Variants in DYNC2H1 observed in about 807,000 individuals in gnomAD.
DYNC2H1 encodes the protein cytoplasmic dynein 2 heavy chain 1.
DYNC2H1 carries 410 observed loss-of-function variants against 570.0 expected under a neutral mutation model. The observed-to-expected ratio is 0.72, with a 90% confidence interval of 0.66 to 0.78. The LOEUF (loss-of-function observed/expected upper bound fraction) is 0.78, where lower values mean the gene tolerates loss of function less well. DYNC2H1 is among the 30% of genes least tolerant of loss of function. The probability of loss-of-function intolerance (pLI) is 0.00; values close to 1 mark genes in which losing one functional copy is unlikely to be tolerated. For missense variants in DYNC2H1, 4,865 were observed against 5,046.4 expected, an observed-to-expected ratio of 0.96 and a Z score of 1.09; for synonymous variants, 1,688 against 1,677.6, an observed-to-expected ratio of 1.01 and a Z score of -0.15.
chr11:103,148,571 G>C lies in DYNC2H1; in HGVS notation c.2900G>C (p.Gly967Ala). ...ATGCCCCAGTCTGTGGAAGAAATTG[G>C]TGATGCAAATCTACAATATAGTAAG... ...TIMPQSVEEIGDANLQYSKLQ... is the reference protein window; with the variant it reads ...TIMPQSVEEIADANLQYSKLQ... Residue 967 changes from glycine to alanine, a missense_variant, in exon 20 of 89, where the codon GGT becomes GCT. Transcript: ENST00000375735. 7 of 1,570,314 alleles carry C rather than the reference G, an allele frequency of 4.5e-6. No homozygotes were observed. The highest frequency in any genetic ancestry group is 6.1e-6 in the Non-Finnish European group (7 of 1,156,196).
chr11:103,122,188 A>G (rs1316346735), intron 10 of DYNC2H1, among the ~76,000 whole-genome samples: 1 of 152,220 alleles, frequency 6.6e-6, no homozygotes, highest in Non-Finnish European at 1.5e-5. Flanking sequence ...GTCTTGCATT[A>G]GACTTGTACA....
intron 87 of DYNC2H1, among the ~76,000 whole-genome samples, chr11:103,459,997 G>T (rs1944956976): frequency 1.4e-5 from 2 of 146,726 alleles, no homozygotes; most frequent in South Asian, 2.2e-4. Context: ...GAAGGACTTA[G>T]AAAAGTTTTC....
In DYNC2H1 at chr11:103,110,841, G is replaced by A. The variant is rs540007386; in HGVS notation, c.195+1072G>A. Among the ~76,000 whole-genome samples, 4 of 145,996 alleles carry A rather than the reference G, an allele frequency of 2.7e-5. No homozygotes were observed. In the South Asian group the frequency reaches 6.4e-4, roughly 23 times the overall value. ...AGTGCCTTTTTTTTTTTTTTTAGAC[G>A]CAGTTCGCAGTTTCGCTCGTATTAC... On this transcript the variant is annotated intron_variant, in intron 1 of 88. Transcript: ENST00000375735.
intron 82 of DYNC2H1, among the ~76,000 whole-genome samples, chr11:103,335,377 CAGA>C (rs1939062656): frequency 6.6e-6 from 1 of 152,002 alleles, no homozygotes; most frequent in Admixed American, 6.5e-5. Context: ...ATGTTTCAAT[CAGA>C]AGCTTCTACT....
In DYNC2H1 at chr11:103,431,423, G is replaced by T. The variant is rs1222353446; in HGVS notation, c.12367-4520G>T. ...GACTCTAGAGCCAAGTTACCTGGGG[G>T]TTTACATCCTGGATCTGCCATTTGC... On this transcript the variant is annotated intron_variant, in intron 84 of 88. Transcript: ENST00000375735. Among the ~76,000 whole-genome samples, 3 of 152,094 alleles carry T rather than the reference G, an allele frequency of 2.0e-5. No individual in the cohort carries two copies. The South Asian group carries it at 6.2e-4, about 32-fold the overall frequency.
chr11:103,136,147 T>G (rs1435212825), intron 17 of DYNC2H1, among the ~76,000 whole-genome samples, 199 bp downstream of exon 17: 1 of 151,844 alleles, frequency 6.6e-6, no homozygotes, highest in East Asian at 1.9e-4. Flanking sequence ...AAAGATTTTT[T>G]TTTTGTCTTT....
At chr11:103,347,685 G>A (rs10895406) in intron 82 of DYNC2H1, among the ~76,000 whole-genome samples, 44,510 of 151,962 alleles carry the variant, frequency 0.29, 6,574 homozygotes, top group South Asian at 0.37. Context: ...TTAAAATGTC[G>A]TGGATATTTA....
At chr11:103,371,936 T>TTTTG (rs1018181371) in intron 83 of DYNC2H1, among the ~76,000 whole-genome samples, 1 of 144,962 alleles carries the variant, frequency 6.9e-6, no homozygotes, top group African/African-American at 2.5e-5. Flanking sequence ...GGTTTTTTTT[T>TTTTG]TTTTTTTTTT....
Position 103,109,439 on chromosome 11 carries a change from CT to C in DYNC2H1, c.-135del, listed in dbSNP as rs1858001077. On this transcript the variant is annotated 5_prime_UTR_variant, in exon 1 of 89. Transcript: ENST00000375735. ...TGCTCCGTCGCCATAGCGACTACCC[CT>C]GGCAACCGCGAAGCTCTGCGGTCCC... is the stretch of plus-strand genomic sequence containing the variant. The C allele has an allele frequency of 5.8e-6, 5 of 860,236 alleles. No individual in the cohort carries two copies. The highest frequency in any genetic ancestry group is 5.5e-5 in the East Asian group (2 of 36,448). The allele number at this position is 860,236 out of a possible 1,614,324, so 53.3% of individuals were successfully genotyped here.
At chr11:103,288,537 G>T (rs569856147) in intron 75 of DYNC2H1, among the ~76,000 whole-genome samples, 60 of 151,358 alleles carry the variant, frequency 4.0e-4, no homozygotes, top group African/African-American at 1.4e-3. Flanking sequence ...TAGTAGGTTC[G>T]CTATGAGATT....
chr11:103,130,480 CT>C (rs1389678155), intron 13 of DYNC2H1, among the ~76,000 whole-genome samples: 2 of 151,986 alleles, frequency 1.3e-5, no homozygotes, highest in African/African-American at 4.8e-5. Flanking sequence ...CACTTTTTTT[CT>C]TGTTGGCAGA....
At chr11:103,477,461 C>T (rs1176360911) in intron 88 of DYNC2H1, among the ~76,000 whole-genome samples, 1 of 152,034 alleles carries the variant, frequency 6.6e-6, no homozygotes, top group Non-Finnish European at 1.5e-5. Context: ...ATTGGAAATA[C>T]AATTATGAAC....
chr11:103,133,545 T>C lies in DYNC2H1; in HGVS notation c.1954-10T>C. The C allele has an allele frequency of 1.3e-6, 2 of 1,595,654 alleles. No homozygotes were observed. The highest frequency in any genetic ancestry group is 1.7e-6 in the Non-Finnish European group (2 of 1,175,468). On this transcript the variant is annotated splice_polypyrimidine_tract_variant and intron_variant, in intron 13 of 88. Transcript: ENST00000375735. The surrounding 1 kb of genome is among the most constrained non-coding windows in gnomAD (Gnocchi z 4.8). ...CTTATACATACTAAAGGTTATTTATTGTACCATAGAATTCAAAAGCAGGAA... is the reference window on the plus strand; with the variant it reads ...CTTATACATACTAAAGGTTATTTATCGTACCATAGAATTCAAAAGCAGGAA...
At chr11:103,160,769 T>G (rs1311877338) in intron 28 of DYNC2H1, among the ~76,000 whole-genome samples, 163 bp from the exon 29 acceptor site, 1 of 151,994 alleles carries the variant, frequency 6.6e-6, no homozygotes, top group Non-Finnish European at 1.5e-5. Context: ...TTTCCCTCAA[T>G]AGGACATTTA....
In DYNC2H1 at chr11:103,145,890, A is replaced by T. The variant is rs1174297834; in HGVS notation, c.2703-1882A>T. 1.3e-5 allele frequency among the ~76,000 whole-genome samples: 2 copies of T among 152,196 alleles called. No homozygotes were observed. Among genetic ancestry groups the T allele is most frequent in the Non-Finnish European group, 2.9e-5 (2 of 68,026 alleles). ...TGAAAGATGAATGTTAGCCTTGTCCACAGCACTCCGTAGTTAGTGAGTAAA... is the reference window on the plus strand; with the variant it reads ...TGAAAGATGAATGTTAGCCTTGTCCTCAGCACTCCGTAGTTAGTGAGTAAA... On this transcript the variant is annotated intron_variant, in intron 18 of 88. Coordinates refer to ENST00000375735, the MANE Select transcript of DYNC2H1 (RefSeq NM_001377.3). This position sits in a 1 kb window ranked among gnomAD's most constrained non-coding sequence, Gnocchi z 4.2.
chr11:103,188,244 A>C (rs1039983367), intron 43 of DYNC2H1, among the ~76,000 whole-genome samples: 4 of 151,978 alleles, frequency 2.6e-5, no homozygotes, highest in African/African-American at 9.7e-5. Context: ...ATATCATTGC[A>C]TTTTAGTGTT....
intron 83 of DYNC2H1, among the ~76,000 whole-genome samples, chr11:103,372,211 G>A (rs1445373869): frequency 6.6e-6 from 1 of 151,460 alleles, no homozygotes; most frequent in African/African-American, 2.4e-5. Flanking sequence ...TGTATTTCTA[G>A]TTTGACCATG....
At chr11:103,160,325 A>G (rs970483514) in intron 28 of DYNC2H1, among the ~76,000 whole-genome samples, 5 of 152,080 alleles carry the variant, frequency 3.3e-5, no homozygotes, top group Non-Finnish European at 5.9e-5. Flanking sequence ...TTACCTGTTC[A>G]TGGGCATTTG....
At chr11:103,333,328 A>G (rs952391300) in intron 82 of DYNC2H1, among the ~76,000 whole-genome samples, 2 of 152,144 alleles carry the variant, frequency 1.3e-5, no homozygotes, top group African/African-American at 4.8e-5. Flanking sequence ...CAGTGGCACA[A>G]TCTCAGCTCA....
Sources: gnomAD v4.1 joint callset for allele counts (sites outside exome capture counted in the v4.1 genomes callset) on GRCh38, gnomAD v4.1.1 for gene constraint, Gnocchi (gnomAD v3.1) non-coding constraint, MANE v1.5 for transcripts, NCBI Gene and HGNC (gene_info 2026-07-23, HGNC 2026-07-21) for gene names.